The following TTC23 variants were observed in gnomAD, a reference collection of about 807,000 sequenced individuals.
TTC23 encodes the protein tetratricopeptide repeat protein 23.
A neutral mutation model predicts 55.1 loss-of-function variants in TTC23; 58 were observed. The observed-to-expected ratio is 1.05, with a 90% CI of 0.85 to 1.31. The LOEUF (loss-of-function observed/expected upper bound fraction) is 1.31, where lower values mean the gene tolerates loss of function less well. Ranked by LOEUF, TTC23 falls within the 50% of genes most tolerant of loss-of-function variation. The probability of loss-of-function intolerance (pLI) is 0.00; values close to 1 mark genes in which losing one functional copy is unlikely to be tolerated. For missense variants in TTC23, 516 were observed against 534.4 expected (o/e 0.97, Z 0.34); for synonymous variants, 203 against 199.9 (o/e 1.02, Z -0.13).
chr15:99,222,503 T>C (rs1194086469), intron 5 of TTC23, among the ~76,000 whole-genome samples: 1 of 152,222 alleles, frequency 6.6e-6, no homozygotes, highest in African/African-American at 2.4e-5. Context: ...TCAAATACTA[T>C]AGTTTAGCTC....
intron 4 of TTC23, among the ~76,000 whole-genome samples, chr15:99,233,545 T>C (rs994956861): frequency 6.6e-6 from 1 of 152,170 alleles, no homozygotes; most frequent in African/African-American, 2.4e-5. Flanking sequence ...ATATCTAATA[T>C]CTATTCCTGA....
At chr15:99,139,252 C>T in intron 13 of TTC23, 65 bp downstream of exon 13, 2 of 1,582,498 alleles carry the variant, frequency 1.3e-6, no homozygotes, top group Non-Finnish European at 1.7e-6. Flanking sequence ...CTAGAACCAG[C>T]TTTCTCTTGA....
chr15:99,164,802 T>G (rs12441275), intron 10 of TTC23, among the ~76,000 whole-genome samples: 80,776 of 151,984 alleles, frequency 0.53, 21,874 homozygotes, highest in East Asian at 0.79. Context: ...GATCTTCAGG[T>G]ACAGCTCTCT....
At chr15:99,230,629 G>A (rs1235333046) in intron 4 of TTC23, among the ~76,000 whole-genome samples, 10 of 151,952 alleles carry the variant, frequency 6.6e-5, no homozygotes, top group Admixed American at 1.3e-4. Flanking sequence ...GACACATTAC[G>A]TATAAAAAAT....
In TTC23 at chr15:99,241,312, TCAAA is replaced by T. The variant is rs369628187; in HGVS notation, c.-114+49_-114+52del. On this transcript the variant is annotated intron_variant, in intron 3 of 13. Coordinates refer to ENST00000394132, the MANE Select transcript of TTC23 (RefSeq NM_001288615.3). ...CCTGGGCAACAAGAGCGAAACTGTC[TCAAA>T]CAAACAAACAAACAAACAAACAAAA... The T allele has an allele frequency of 2.1e-3, 316 of 153,114 alleles. 1 individual carries two copies. The highest frequency in any genetic ancestry group is 5.8e-3 in the African/African-American group (241 of 41,472). The allele number at this position is 153,114 out of a possible 1,614,324, so 9.5% of individuals were successfully genotyped here. A position where few individuals can be genotyped will look rare whatever the true frequency, so the allele number is the denominator to read the frequency against.
chr15:99,204,633 T>TTTTTTTG lies in TTC23; in HGVS notation c.582-4538_582-4537insCAAAAAA, dbSNP rs1555522731. The stretch of plus-strand genomic sequence containing the variant: ...CAGAGTTTCAGTCTTAGATTTAAGG[T>TTTTTTTG]TTTTTTTTTTTTTTTTTTTTTTAGA... On this transcript the variant is annotated intron_variant, in intron 8 of 13. Coordinates refer to ENST00000394132, the MANE Select transcript of TTC23 (RefSeq NM_001288615.3). Among the ~76,000 whole-genome samples, 3 of 40,190 alleles carry TTTTTTTG rather than the reference T, an allele frequency of 7.5e-5. No homozygotes were observed. The East Asian group carries it at 2.6e-3, about 35-fold the overall frequency. 26.4% of individuals were successfully genotyped at this position (40,190 alleles called of 152,430 possible). A position where few individuals can be genotyped will look rare whatever the true frequency, so the allele number is the denominator to read the frequency against.
At chr15:99,178,950 A>C (rs4965450) in intron 9 of TTC23, among the ~76,000 whole-genome samples, 10,138 of 152,220 alleles carry the variant, frequency 0.067, 372 homozygotes, top group Admixed American at 0.11. Flanking sequence ...GCCTACCTGC[A>C]GGGACCTTGA....
intron 12 of TTC23, among the ~76,000 whole-genome samples, chr15:99,154,888 T>G (rs1024478302): frequency 1.3e-5 from 2 of 152,310 alleles, no homozygotes; most frequent in African/African-American, 4.8e-5. Context: ...TACACTAAGA[T>G]CAGGAACATG....
chr15:99,219,869 T>G (rs577067398), intron 6 of TTC23, among the ~76,000 whole-genome samples: 1 of 152,324 alleles, frequency 6.6e-6, no homozygotes, highest in South Asian at 2.1e-4. Context: ...AAAAAATCTG[T>G]CAAAATATGA....
At chr15:99,221,954 T>C in intron 5 of TTC23, 90 bp from the exon 6 acceptor site, 2 of 1,446,274 alleles carry the variant, frequency 1.4e-6, no homozygotes, top group Non-Finnish European at 1.9e-6. Flanking sequence ...CTTTGATAAA[T>C]ACTGAGTGAC....
At chr15:99,197,353 T>C (rs1019659145) in intron 9 of TTC23, among the ~76,000 whole-genome samples, 86 of 152,118 alleles carry the variant, frequency 5.7e-4, no homozygotes, top group Non-Finnish European at 9.9e-4. Flanking sequence ...CCACCCTCCT[T>C]GGCCTCCCAA....
intron 2 of TTC23, among the ~76,000 whole-genome samples, chr15:99,244,197 G>C (rs1328895751): frequency 1.3e-5 from 2 of 152,150 alleles, no homozygotes; most frequent in African/African-American, 4.8e-5. Flanking sequence ...ATACTTAATG[G>C]AGCATGTTTG....
intron 8 of TTC23, among the ~76,000 whole-genome samples, chr15:99,212,901 C>G (rs2077154489): frequency 6.8e-6 from 1 of 146,030 alleles, no homozygotes; most frequent in Admixed American, 7.1e-5. Flanking sequence ...GGGAGGACTG[C>G]TTGAGCCCAG....
At chr15:99,232,219 C>G (rs998595719) in intron 4 of TTC23, among the ~76,000 whole-genome samples, 13 of 151,636 alleles carry the variant, frequency 8.6e-5, no homozygotes, top group African/African-American at 2.9e-4. Flanking sequence ...GTGGCTCACA[C>G]CTGTAATCTC....
chr15:99,232,126 A>G lies in TTC23; in HGVS notation c.-21+2862T>C, dbSNP rs1236927187. On this transcript the variant is annotated intron_variant, in intron 4 of 13. Coordinates refer to ENST00000394132, the MANE Select transcript of TTC23 (RefSeq NM_001288615.3). ...GTTTTAACAAAAAAGTTTAAAAAGT[A>G]AAAAAAGAAAATAAAAAATTTTAAA... Among the ~76,000 whole-genome samples the G allele has an allele frequency of 5.3e-5, 8 of 152,044 alleles. No homozygotes were observed. The East Asian group carries it at 1.5e-3, about 29-fold the overall frequency.
intron 2 of TTC23, among the ~76,000 whole-genome samples, chr15:99,242,796 A>T (rs868453186): frequency 1.8e-4 from 27 of 152,340 alleles, no homozygotes; most frequent in Middle Eastern, 6.8e-3. Context: ...AATCATGATT[A>T]AAAAAACTTC....
At chr15:99,163,080 T>A (rs2071589875) in intron 10 of TTC23, among the ~76,000 whole-genome samples, 1 of 124,946 alleles carries the variant, frequency 8.0e-6, no homozygotes, top group Non-Finnish European at 1.7e-5. Flanking sequence ...CAAGACCCTG[T>A]CTCAAAAAAC....
intron 8 of TTC23, among the ~76,000 whole-genome samples, chr15:99,202,980 C>T (rs1226041526): frequency 1.3e-5 from 2 of 152,166 alleles, no homozygotes; most frequent in East Asian, 3.9e-4. Context: ...ATAATCATAT[C>T]TTTTACTCTT....
chr15:99,189,102 A>T (rs545340722), intron 9 of TTC23, among the ~76,000 whole-genome samples: 53 of 152,290 alleles, frequency 3.5e-4, no homozygotes, highest in Non-Finnish European at 7.1e-4. Flanking sequence ...TTTGGAAAAA[A>T]CCCATAGTAC....
Sources: gnomAD v4.1 joint callset for allele counts (sites outside exome capture counted in the v4.1 genomes callset) on GRCh38, gnomAD v4.1.1 for gene constraint, MANE v1.5 for transcripts, NCBI Gene and HGNC (gene_info 2026-07-23, HGNC 2026-07-21) for gene names.